Variants in UST observed in about 807,000 individuals in gnomAD.
UST encodes uronyl 2-sulfotransferase.
Under a neutral mutation model 45.6 loss-of-function variants are expected in UST, and 21 were observed. The observed-to-expected ratio is 0.46, with a 90% CI of 0.33 to 0.66. UST has a LOEUF of 0.66. Ranked by LOEUF, UST falls within the 30% of genes least tolerant of loss-of-function variation. The pLI is 0.02. For synonymous variants in UST, 215 were observed against 200.6 expected, an observed-to-expected ratio of 1.07 and a Z score of -0.61; for missense variants, 463 against 512.4, an observed-to-expected ratio of 0.90 and a Z score of 0.93.
chr6:148,747,772 C>T, intron 1 of UST, 95 bp downstream of exon 1: 20 of 1,411,328 alleles, frequency 1.4e-5, no homozygotes, highest in Non-Finnish European at 1.8e-5. Context: ...GCTGCCACCG[C>T]GCGCCGCCGC....
intron 7 of UST, among the ~76,000 whole-genome samples, chr6:149,022,977 A>G (rs765107152): frequency 4.6e-5 from 7 of 152,212 alleles, no homozygotes; most frequent in Admixed American, 1.3e-4. Flanking sequence ...ACTGATTTTT[A>G]TTTCTAGAAG....
intron 5 of UST, among the ~76,000 whole-genome samples, chr6:149,001,175 C>CA (rs1471115480): frequency 6.6e-6 from 1 of 151,708 alleles, no homozygotes; most frequent in Non-Finnish European, 1.5e-5. Flanking sequence ...AGGTTCATGC[C>CA]ATTCTCCTGC....
chr6:148,856,441 A>G lies in UST; in HGVS notation c.248-30545A>G, dbSNP rs150738933. ...ATAACGTAGTGCAATAAAATGTTAT[A>G]TATCAAAGTACGCATCTACTAAGTC... On this transcript the variant is annotated intron_variant, in intron 1 of 7. Transcript: ENST00000367463. 3.3e-5 allele frequency among the ~76,000 whole-genome samples: 5 copies of G among 152,362 alleles called. No individual in the cohort carries two copies. The East Asian group carries it at 7.7e-4, about 23-fold the overall frequency.
Position 149,003,471 on chromosome 6 carries a change from G to A in UST, c.682-15668G>A, listed in dbSNP as rs191526068. 7.9e-4 allele frequency among the ~76,000 whole-genome samples: 120 copies of A among 151,810 alleles called. 3 individuals are homozygous for A. The South Asian group carries it at 0.023, about 29-fold the overall frequency. Reference sequence around the variant, plus strand: ...AAAAAAAAAAACATTAAGGCACCTAGTAGTTTTATAAATAATTCCCAATGG... The same window carrying A: ...AAAAAAAAAAACATTAAGGCACCTAATAGTTTTATAAATAATTCCCAATGG... On this transcript the variant is annotated intron_variant, in intron 5 of 7. Coordinates refer to ENST00000367463, the MANE Select transcript of UST (RefSeq NM_005715.3).
chr6:148,814,946 A>G (rs769137499), intron 1 of UST, among the ~76,000 whole-genome samples: 40 of 152,216 alleles, frequency 2.6e-4, no homozygotes, highest in Admixed American at 9.2e-4. Context: ...ATGGCTTTGT[A>G]TATTAGGATG....
chr6:148,781,763 C>T (rs6570899), intron 1 of UST, among the ~76,000 whole-genome samples: 114,593 of 152,088 alleles, frequency 0.75, 43,227 homozygotes, highest in Middle Eastern at 0.87. Context: ...TAAAGTTGAA[C>T]CCAGTGTTTA....
intron 7 of UST, among the ~76,000 whole-genome samples, chr6:149,049,390 A>G (rs1441527557): frequency 6.6e-6 from 1 of 152,260 alleles, no homozygotes; most frequent in Non-Finnish European, 1.5e-5. Context: ...ACAATATGAT[A>G]CCAGTTTTAC....
At chr6:148,895,684 G>A (rs1364049740) in intron 2 of UST, among the ~76,000 whole-genome samples, 5 of 152,194 alleles carry the variant, frequency 3.3e-5, no homozygotes, top group Non-Finnish European at 7.3e-5. Context: ...GGTTTTATGA[G>A]GGGAAACTGC....
At position 149,026,245 on chromosome 6, in the gene UST, C is replaced by T. The variant is rs533475459; in HGVS notation, c.937+4764C>T. 1.1e-4 allele frequency among the ~76,000 whole-genome samples: 17 copies of T among 151,368 alleles called. No homozygotes were observed. The South Asian group carries it at 1.9e-3, about 17-fold the overall frequency. On this transcript the variant is annotated intron_variant, in intron 7 of 7. Coordinates refer to ENST00000367463, the MANE Select transcript of UST (RefSeq NM_005715.3). Reference sequence around the variant, plus strand: ...AGGATCACCTGAGCCTTGGGGAGGTCGAGGCTGCAGTGAGCTATGATGATC... The same window carrying T: ...AGGATCACCTGAGCCTTGGGGAGGTTGAGGCTGCAGTGAGCTATGATGATC...
chr6:148,754,132 C>T (rs1284730231), intron 1 of UST, among the ~76,000 whole-genome samples: 1 of 151,778 alleles, frequency 6.6e-6, no homozygotes. Flanking sequence ...GTAGCTGGGA[C>T]TACAGGCGGC....
At chr6:148,778,858 C>T (rs760692009) in intron 1 of UST, among the ~76,000 whole-genome samples, 4 of 152,082 alleles carry the variant, frequency 2.6e-5, no homozygotes, top group African/African-American at 9.7e-5. Flanking sequence ...TCTCTGATGA[C>T]GACCAAGGCC....
chr6:148,988,471 G>A (rs1031538608), intron 5 of UST, among the ~76,000 whole-genome samples: 1 of 151,358 alleles, frequency 6.6e-6, no homozygotes, highest in African/African-American at 2.4e-5. Flanking sequence ...CTACTCAGGA[G>A]GCTGAGGCAC....
At chr6:149,014,793 C>T (rs1211813346) in intron 5 of UST, among the ~76,000 whole-genome samples, 2 of 152,220 alleles carry the variant, frequency 1.3e-5, no homozygotes, top group African/African-American at 2.4e-5. Context: ...ACCAGAGTTT[C>T]TTTCAAATGC....
intron 7 of UST, among the ~76,000 whole-genome samples, chr6:149,043,111 T>G (rs1450694933): frequency 6.6e-6 from 1 of 151,382 alleles, no homozygotes; most frequent in Admixed American, 6.6e-5. Flanking sequence ...TTTTCATTCT[T>G]TCTTTCTTTT....
intron 7 of UST, among the ~76,000 whole-genome samples, chr6:149,031,686 C>T (rs1776145606): frequency 6.6e-6 from 1 of 152,174 alleles, no homozygotes; most frequent in Non-Finnish European, 1.5e-5. Flanking sequence ...TTTCTCTTCT[C>T]TGAAAACTAA....
intron 1 of UST, among the ~76,000 whole-genome samples, chr6:148,820,333 CATTCT>C (rs1391669013): frequency 6.6e-6 from 1 of 152,158 alleles, no homozygotes; most frequent in Non-Finnish European, 1.5e-5. Flanking sequence ...TGCATATACA[CATTCT>C]CTTTCTGTAT....
intron 1 of UST, among the ~76,000 whole-genome samples, chr6:148,761,977 G>A (rs1776232060): frequency 6.6e-6 from 1 of 152,168 alleles, no homozygotes; most frequent in Non-Finnish European, 1.5e-5. Context: ...AAAACCAAAT[G>A]GCGCAGTGTC....
At position 148,822,824 on chromosome 6, in the gene UST, A is replaced by G. The variant is rs997966916; in HGVS notation, c.248-64162A>G. Among the ~76,000 whole-genome samples the G allele has an allele frequency of 2.6e-5, 4 of 152,246 alleles. No individual in the cohort carries two copies. The East Asian group carries it at 7.7e-4, about 29-fold the overall frequency. On this transcript the variant is annotated intron_variant, in intron 1 of 7. Transcript: ENST00000367463. ...GGAAGAACTTGAAAAGGCAAACTAT[A>G]TATATTATGGATAGTGCAAACATTT...
rs145683275 is a variant in UST at position 148,934,158 on chromosome 6, G to A, written c.292-7121G>A. Reference sequence around the variant, plus strand: ...TAAGTGAGGAAACTGGGGCTCAAGGGTGTGAAGTGACTGGCTTCTAGCACC... The same window carrying A: ...TAAGTGAGGAAACTGGGGCTCAAGGATGTGAAGTGACTGGCTTCTAGCACC... On this transcript the variant is annotated intron_variant, in intron 2 of 7. Coordinates refer to ENST00000367463, the MANE Select transcript of UST (RefSeq NM_005715.3). The surrounding 1 kb of genome is among the most constrained non-coding windows in gnomAD (Gnocchi z 4.1). Among the ~76,000 whole-genome samples the A allele has an allele frequency of 9.5e-3, 1,444 of 152,270 alleles. 26 individuals carry two copies. The highest frequency in any genetic ancestry group is 0.011 in the Non-Finnish European group (740 of 68,024).
Sources: allele counts gnomAD v4.1 joint callset (sites outside exome capture counted in the v4.1 genomes callset), GRCh38; gene constraint gnomAD v4.1.1; non-coding constraint Gnocchi (gnomAD v3.1); transcripts MANE v1.5; gene names NCBI Gene and HGNC (gene_info 2026-07-23, HGNC 2026-07-21).